The following ADAMTS6 variants were observed in gnomAD, a reference collection of about 807,000 sequenced individuals.
The protein encoded by ADAMTS6 is A disintegrin and metalloproteinase with thrombospondin motifs 6.
ADAMTS6 carries 23 observed loss-of-function variants against 144.3 expected under a neutral mutation model. That is an observed-to-expected ratio of 0.16 (90% CI 0.11 to 0.23). The LOEUF is 0.23. ADAMTS6 is among the 10% of genes least tolerant of loss of function. The pLI, the probability that ADAMTS6 is intolerant of heterozygous loss-of-function variation, is 1.00. For missense variants in ADAMTS6, 999 were observed against 1,379.6 expected, an observed-to-expected ratio of 0.72 and a Z score of 4.37; for synonymous variants, 444 against 457.5, an observed-to-expected ratio of 0.97 and a Z score of 0.38.
intron 7 of ADAMTS6, among the ~76,000 whole-genome samples, chr5:65,342,011 C>T (rs1285500641): frequency 2.6e-5 from 4 of 152,076 alleles, no homozygotes; most frequent in Non-Finnish European, 5.9e-5. Context: ...TGAGATTTAT[C>T]ACAGGAATGC....
At chr5:65,298,955 T>A (rs1271717042) in intron 10 of ADAMTS6, among the ~76,000 whole-genome samples, 2 of 152,070 alleles carry the variant, frequency 1.3e-5, no homozygotes, top group African/African-American at 4.8e-5. Context: ...ATTTTTAAAA[T>A]TTTACAATAT....
At chr5:65,161,021 CT>C (rs997834343) in intron 24 of ADAMTS6, among the ~76,000 whole-genome samples, 9 of 151,188 alleles carry the variant, frequency 6.0e-5, no homozygotes, top group Non-Finnish European at 1.3e-4. Context: ...ACACTAGAAC[CT>C]CTTCTCTCTC....
chr5:65,253,129 C>T (rs1250562459), intron 14 of ADAMTS6, among the ~76,000 whole-genome samples: 2 of 152,110 alleles, frequency 1.3e-5, no homozygotes, highest in African/African-American at 4.8e-5. Flanking sequence ...CTCAAGCGAT[C>T]CACCCGCCTC....
At chr5:65,151,998 C>A (rs1752163444) in intron 24 of ADAMTS6, 53 bp from the exon 25 acceptor site, 3 of 1,463,256 alleles carry the variant, frequency 2.1e-6, no homozygotes, top group Admixed American at 1.9e-5. Context: ...TAAACAAGTA[C>A]ATAAACAAGC....
intron 22 of ADAMTS6, among the ~76,000 whole-genome samples, chr5:65,183,714 T>C (rs1176860713): frequency 1.3e-5 from 2 of 152,084 alleles, no homozygotes; most frequent in African/African-American, 2.4e-5. Context: ...TGTATAGACA[T>C]GTATGTTATG....
chr5:65,364,798 C>T lies in ADAMTS6; in HGVS notation c.1074-30713G>A, dbSNP rs572566882. ...AGCCAGGATGGTCTCGATCTCCTGA[C>T]CTCGTGATCTGCCCGCCTCAGCCTC... On this transcript the variant is annotated intron_variant, in intron 7 of 24. Transcript: ENST00000381055. Among the ~76,000 whole-genome samples the T allele has an allele frequency of 5.3e-4, 80 of 152,068 alleles. No individual in the cohort carries two copies. The East Asian group carries it at 0.01, about 20-fold the overall frequency.
At chr5:65,322,365 G>A (rs145761615) in intron 9 of ADAMTS6, among the ~76,000 whole-genome samples, 1 of 152,104 alleles carries the variant, frequency 6.6e-6, no homozygotes, top group East Asian at 1.9e-4. Flanking sequence ...GCTCCATTTC[G>A]GTTCCATATG....
intron 7 of ADAMTS6, among the ~76,000 whole-genome samples, chr5:65,345,349 A>C (rs56013913): frequency 0.047 from 7,175 of 151,870 alleles, 215 homozygotes; most frequent in East Asian, 0.11. Flanking sequence ...GTATCAAAAT[A>C]CAGATCATGA....
intron 8 of ADAMTS6, among the ~76,000 whole-genome samples, chr5:65,330,551 A>T (rs1746612865): frequency 6.6e-6 from 1 of 152,120 alleles, no homozygotes; most frequent in South Asian, 2.1e-4. Context: ...TACAGTAAGC[A>T]ATGTTCTGTG....
intron 14 of ADAMTS6, among the ~76,000 whole-genome samples, chr5:65,248,475 C>G (rs552899742): frequency 2.0e-5 from 3 of 152,030 alleles, no homozygotes; most frequent in Admixed American, 2.0e-4. Context: ...CATCTACCTA[C>G]AGCAAAACTC....
intron 7 of ADAMTS6, among the ~76,000 whole-genome samples, chr5:65,401,092 C>T (rs1314781325): frequency 2.6e-5 from 4 of 152,024 alleles, no homozygotes; most frequent in African/African-American, 9.7e-5. Context: ...TCTCAGTATG[C>T]CTTGTAATTT....
chr5:65,401,864 A>G (rs1032295829), intron 7 of ADAMTS6, among the ~76,000 whole-genome samples: 1 of 151,760 alleles, frequency 6.6e-6, no homozygotes, highest in Non-Finnish European at 1.5e-5. Context: ...AAATTCTTTG[A>G]TTTTCTCACT....
intron 1 of ADAMTS6, among the ~76,000 whole-genome samples, chr5:65,481,071 ATGTAT>A (rs1761163485): frequency 6.6e-6 from 1 of 151,228 alleles, no homozygotes; most frequent in African/African-American, 2.4e-5. Flanking sequence ...TTCACAAAAC[ATGTAT>A]TGTATATTCA....
chr5:65,161,317 C>T (rs558010732), intron 24 of ADAMTS6, among the ~76,000 whole-genome samples: 8 of 152,130 alleles, frequency 5.3e-5, no homozygotes, highest in East Asian at 1.9e-4. Flanking sequence ...AGATTGCAGG[C>T]GTGAGCCACC....
intron 14 of ADAMTS6, among the ~76,000 whole-genome samples, chr5:65,252,396 C>A (rs1039084575): frequency 1.3e-5 from 2 of 151,742 alleles, no homozygotes; most frequent in Admixed American, 6.6e-5. Flanking sequence ...CGCCCGCAAC[C>A]ACGCCCGGCT....
At chr5:65,368,604 T>C (rs1750525049) in intron 7 of ADAMTS6, among the ~76,000 whole-genome samples, 1 of 152,164 alleles carries the variant, frequency 6.6e-6, no homozygotes, top group Non-Finnish European at 1.5e-5. Context: ...AAATGCGGTG[T>C]CCATCTTGGG....
rs114861669 is a variant in ADAMTS6 at position 65,381,007 on chromosome 5, A to G, written c.1074-46922T>C. On this transcript the variant is annotated intron_variant, in intron 7 of 24. Coordinates refer to ENST00000381055, the MANE Select transcript of ADAMTS6 (RefSeq NM_197941.4). ...AAGCTCAATTAATGTAAATTAAGCA[A>G]AAGTACAGAATTCTTAGAAAATTAT... Among the ~76,000 whole-genome samples the G allele has an allele frequency of 1.5e-3, 234 of 152,346 alleles. 1 individual carries two copies. The highest frequency in any genetic ancestry group is 6.8e-3 in the Middle Eastern group (2 of 294).
chr5:65,242,088 T>C lies in ADAMTS6; in HGVS notation c.1933+16A>G. The C allele has an allele frequency of 6.5e-7, 1 of 1,527,730 alleles. No individual in the cohort carries two copies. The highest frequency in any genetic ancestry group is 1.4e-5 in the African/African-American group (1 of 72,822). 94.6% of individuals were successfully genotyped at this position (1,527,730 alleles called of 1,614,324 possible). A position where few individuals can be genotyped will look rare whatever the true frequency, so the allele number is the denominator to read the frequency against. ...AAAGTGCTCAAGCATGAATGCTCTG[T>C]CAGGTTATACATTACCTCCAGTATA... On this transcript the variant is annotated intron_variant, in intron 15 of 24. Coordinates refer to ENST00000381055, the MANE Select transcript of ADAMTS6 (RefSeq NM_197941.4).
intron 14 of ADAMTS6, among the ~76,000 whole-genome samples, chr5:65,243,476 T>G (rs1277675746): frequency 6.6e-6 from 1 of 152,130 alleles, no homozygotes; most frequent in Non-Finnish European, 1.5e-5. Context: ...AGGTTCACAC[T>G]CTGTTATGAG....
Sources: allele counts gnomAD v4.1 joint callset (sites outside exome capture counted in the v4.1 genomes callset), GRCh38; gene constraint gnomAD v4.1.1; transcripts MANE v1.5; gene names NCBI Gene and HGNC (gene_info 2026-07-23, HGNC 2026-07-21).